RNF130: variants seen among roughly 807,000 people sequenced by gnomAD.
The protein encoded by RNF130 is ring finger protein 130.
RNF130 carries 21 observed loss-of-function variants against 44.6 expected under a neutral mutation model. That is an observed-to-expected ratio of 0.47 (90% CI 0.33 to 0.68). The LOEUF is 0.68. Among genes scored for constraint, RNF130 ranks in the 30% least tolerant of loss-of-function variants. The pLI is 0.02. For missense variants in RNF130, 479 were observed against 560.6 expected (o/e 0.85, Z 1.47); for synonymous variants, 214 against 210.4 (o/e 1.02, Z -0.15).
chr5:179,976,740 A>T (rs1762723527), intron 5 of RNF130: 1 of 150,354 alleles, frequency 6.7e-6, no homozygotes, highest in African/African-American at 2.4e-5. Context: ...AAAATAGATT[A>T]CTTTGTAAGT....
chr5:179,982,593 T>G (rs76085741), intron 3 of RNF130, among the ~76,000 whole-genome samples: 5 of 129,418 alleles, frequency 3.9e-5, no homozygotes, highest in South Asian at 2.2e-4. Context: ...GTTTTGTTTT[T>G]AAGACAAGGT....
intron 1 of RNF130, among the ~76,000 whole-genome samples, chr5:180,041,863 G>C (rs1265931582): frequency 6.6e-6 from 1 of 152,170 alleles, no homozygotes; most frequent in African/African-American, 2.4e-5. Flanking sequence ...GATTGCTTGA[G>C]CCCAGGAGTT....
intron 1 of RNF130, among the ~76,000 whole-genome samples, chr5:180,055,826 G>A (rs1764805744): frequency 6.6e-6 from 1 of 152,132 alleles, no homozygotes; most frequent in African/African-American, 2.4e-5. Flanking sequence ...GCTCATGGCT[G>A]TAATCCTCTC....
At chr5:180,031,024 T>C (rs1347551439) in intron 2 of RNF130, among the ~76,000 whole-genome samples, 5 of 152,210 alleles carry the variant, frequency 3.3e-5, no homozygotes, top group African/African-American at 1.2e-4. Flanking sequence ...ATGAAAACCA[T>C]TATGGTGATG....
At chr5:179,983,507 T>C (rs1464228966) in intron 3 of RNF130, among the ~76,000 whole-genome samples, 1 of 152,218 alleles carries the variant, frequency 6.6e-6, no homozygotes, top group African/African-American at 2.4e-5. Flanking sequence ...TTGTTTACCA[T>C]TAAGGAAATA....
intron 1 of RNF130, among the ~76,000 whole-genome samples, chr5:180,045,699 T>G (rs1182940042): frequency 6.6e-6 from 1 of 152,174 alleles, no homozygotes; most frequent in African/African-American, 2.4e-5. Context: ...TTGGTGCATT[T>G]ACAAACCTTG....
At chr5:179,952,484 T>C (rs1762141181), downstream of RNF130, among the ~76,000 whole-genome samples, 1 of 152,178 alleles carries the variant, frequency 6.6e-6, no homozygotes, top group East Asian at 1.9e-4. Context: ...GAAAGAACAC[T>C]TCATAATTGT....
At chr5:180,030,987 A>G (rs1764119163) in intron 2 of RNF130, among the ~76,000 whole-genome samples, 1 of 152,162 alleles carries the variant, frequency 6.6e-6, no homozygotes, top group Non-Finnish European at 1.5e-5. Context: ...CTACCCCCTA[A>G]GCCTACTCAA....
In RNF130 at chr5:179,963,539, A is replaced by T. The variant is rs1424657181; in HGVS notation, c.1176T>A (p.Phe392Leu). 1 of 1,613,468 alleles carries T rather than the reference A, an allele frequency of 6.2e-7. No individual in the cohort carries two copies. Among genetic ancestry groups the T allele is most frequent in the East Asian group, 2.2e-5 (1 of 44,876 alleles). Residue 392 changes from phenylalanine to leucine, a missense_variant, in exon 8 of 9, where the codon TTT becomes TTA. Phe to Leu is a conservative substitution (Grantham distance 22). Transcript: ENST00000521389. The stretch of plus-strand genomic sequence containing the variant: ...AGAGTGTGAGGGCACTGAGGAGGCC[A>T]AAACTGGCAATAATAAACCATTCTT... Reference protein sequence around the residue: ...VTKEWFIIASFGLLSALTLCY... With the variant: ...VTKEWFIIASLGLLSALTLCY...
chr5:180,023,231 T>G (rs2113108085), intron 2 of RNF130, among the ~76,000 whole-genome samples: 1 of 152,316 alleles, frequency 6.6e-6, no homozygotes, highest in South Asian at 2.1e-4. Flanking sequence ...ATAGAAATAT[T>G]TATAGATATG....
At chr5:180,058,889 G>A (rs929162143) in intron 1 of RNF130, among the ~76,000 whole-genome samples, 20 of 152,218 alleles carry the variant, frequency 1.3e-4, no homozygotes, top group African/African-American at 4.6e-4. Context: ...TTTCCATTTT[G>A]CAAGACAAAG....
At chr5:180,060,895 C>T (rs1764967156) in intron 1 of RNF130, among the ~76,000 whole-genome samples, 1 of 151,876 alleles carries the variant, frequency 6.6e-6, no homozygotes, top group African/African-American at 2.4e-5. Flanking sequence ...CGGTGAAACC[C>T]CGTCTCTACT....
At chr5:179,930,210 A>G (rs1761787650) in intron 7 of RNF130, among the ~76,000 whole-genome samples, 1 of 152,038 alleles carries the variant, frequency 6.6e-6, no homozygotes, top group African/African-American at 2.4e-5. Flanking sequence ...GGCATCTGCC[A>G]CCACACCCGG....
intron 3 of RNF130, among the ~76,000 whole-genome samples, chr5:179,992,632 GTAT>G (rs1159888790): frequency 6.6e-6 from 1 of 151,992 alleles, no homozygotes; most frequent in African/African-American, 2.4e-5. Flanking sequence ...ACTTCCTATA[GTAT>G]TATATTGACT....
At chr5:180,008,262 A>T (rs1763508175) in intron 3 of RNF130, among the ~76,000 whole-genome samples, 1 of 151,892 alleles carries the variant, frequency 6.6e-6, no homozygotes, top group Non-Finnish European at 1.5e-5. Context: ...ATCAGAAAAC[A>T]CTTGCAGTAA....
chr5:180,060,577 G>A (rs991186686), intron 1 of RNF130, among the ~76,000 whole-genome samples: 4 of 152,180 alleles, frequency 2.6e-5, no homozygotes, highest in South Asian at 2.1e-4. Flanking sequence ...GGGCCTGTCC[G>A]TTCACTTGCC....
exon 8 of RNF130, chr5:179,920,305 C>A: frequency 1.4e-6 from 1 of 694,232 alleles, no homozygotes; most frequent in South Asian, 1.5e-5. Flanking sequence ...ACAGCCAGGC[C>A]ATGTTTAAAA....
exon 8 of RNF130, chr5:179,913,382 G>C (rs1317372085): frequency 1.3e-5 from 2 of 151,652 alleles, no homozygotes; most frequent in Non-Finnish European, 2.9e-5. Flanking sequence ...TTTCCATAAA[G>C]GATCTTCCTT....
intron 6 of RNF130, among the ~76,000 whole-genome samples, chr5:179,968,280 G>A (rs1762495603): frequency 6.6e-6 from 1 of 151,974 alleles, no homozygotes; most frequent in Admixed American, 6.6e-5. Context: ...GGGCGACAGA[G>A]CAAGACTGTC....
Sources: allele counts gnomAD v4.1 joint callset (sites outside exome capture counted in the v4.1 genomes callset), GRCh38; gene constraint gnomAD v4.1.1; transcripts MANE v1.5; gene names NCBI Gene and HGNC (gene_info 2026-07-23, HGNC 2026-07-21).